The following SUPT3H variants were observed in gnomAD, a reference collection of about 807,000 sequenced individuals.
The protein encoded by SUPT3H is transcription initiation protein SPT3 homolog.
A neutral mutation model predicts 44.3 loss-of-function variants in SUPT3H; 44 were observed. That is an observed-to-expected ratio of 0.99 (90% confidence interval 0.78 to 1.28). The LOEUF (loss-of-function observed/expected upper bound fraction) is 1.28, where lower values mean the gene tolerates loss of function less well. Ranked by LOEUF, SUPT3H falls within the 50% of genes most tolerant of loss-of-function variation. SUPT3H has a pLI of 0.00. For synonymous variants in SUPT3H, 124 were observed against 125.6 expected (o/e 0.99, Z 0.09); for missense variants, 380 against 387.1 (o/e 0.98, Z 0.15).
chr6:44,909,435 T>C (rs528182018), intron 10 of SUPT3H, among the ~76,000 whole-genome samples: 2 of 152,274 alleles, frequency 1.3e-5, no homozygotes, highest in African/African-American at 4.8e-5. Context: ...TATTTAGTCC[T>C]TTCCCCAACC....
At chr6:45,326,130 T>C (rs796447560) in intron 2 of SUPT3H, among the ~76,000 whole-genome samples, 18 of 151,896 alleles carry the variant, frequency 1.2e-4, no homozygotes, top group African/African-American at 4.3e-4. Context: ...TCTTATCAGG[T>C]CAATTTGAAG....
At chr6:45,162,070 G>T (rs1359953300) in intron 2 of SUPT3H, among the ~76,000 whole-genome samples, 4 of 152,034 alleles carry the variant, frequency 2.6e-5, no homozygotes, top group African/African-American at 9.7e-5. Flanking sequence ...ACTGACAAAG[G>T]TAATGCCACA....
At chr6:45,015,585 A>C (rs1319857824) in intron 4 of SUPT3H, among the ~76,000 whole-genome samples, 2 of 152,124 alleles carry the variant, frequency 1.3e-5, no homozygotes, top group South Asian at 4.1e-4. Flanking sequence ...AATGTGCCTT[A>C]GCTTACTTAC....
chr6:45,090,650 A>G (rs1357936650), intron 3 of SUPT3H, among the ~76,000 whole-genome samples: 8 of 152,032 alleles, frequency 5.3e-5, no homozygotes, highest in Non-Finnish European at 5.9e-5. Context: ...TAATGTACTC[A>G]TTGAAACCGT....
At chr6:45,365,136 C>A in intron 2 of SUPT3H, 65 bp downstream of exon 2, 1 of 968,046 alleles carries the variant, frequency 1.0e-6, no homozygotes, top group Non-Finnish European at 1.6e-6. Context: ...GTTGTTATGT[C>A]TATTGTCTTT....
intron 9 of SUPT3H, among the ~76,000 whole-genome samples, chr6:44,940,904 T>C (rs936784680): frequency 6.6e-6 from 1 of 152,144 alleles, no homozygotes; most frequent in Non-Finnish European, 1.5e-5. Flanking sequence ...TATATCTGCA[T>C]GAAATGTCTT....
At chr6:44,932,624 T>C (rs1260888938) in intron 10 of SUPT3H, 29 bp downstream of exon 10, 5 of 1,461,874 alleles carry the variant, frequency 3.4e-6, no homozygotes, top group Non-Finnish European at 4.7e-6. Context: ...ATTATAAATA[T>C]AACTTTTTAT....
At chr6:45,182,538 A>G (rs938439902) in intron 2 of SUPT3H, among the ~76,000 whole-genome samples, 7 of 152,258 alleles carry the variant, frequency 4.6e-5, no homozygotes, top group African/African-American at 1.7e-4. Context: ...CTGGGATTAC[A>G]GGCGTGAGCC....
intron 2 of SUPT3H, among the ~76,000 whole-genome samples, chr6:45,185,704 C>T (rs1191554185): frequency 1.3e-5 from 2 of 152,234 alleles, no homozygotes; most frequent in African/African-American, 2.4e-5. Flanking sequence ...TCTTCAGACA[C>T]ACCTAGGGGC....
intron 2 of SUPT3H, among the ~76,000 whole-genome samples, chr6:45,197,970 C>T (rs1181130662): frequency 6.6e-6 from 1 of 151,176 alleles, no homozygotes; most frequent in Non-Finnish European, 1.5e-5. Context: ...TTTCTTCTTA[C>T]TCTGAATACT....
At chr6:45,066,245 T>C (rs1213081297) in intron 3 of SUPT3H, among the ~76,000 whole-genome samples, 1 of 152,036 alleles carries the variant, frequency 6.6e-6, no homozygotes, top group African/African-American at 2.4e-5. Context: ...AAAAAGCCTT[T>C]GACAAAATTC....
intron 2 of SUPT3H, among the ~76,000 whole-genome samples, chr6:45,234,530 CAAA>C (rs10713328): frequency 3.9e-5 from 5 of 126,948 alleles, no homozygotes; most frequent in Non-Finnish European, 6.8e-5. Flanking sequence ...GACGCTGTCA[CAAA>C]AAAAAAAAAA....
intron 2 of SUPT3H, among the ~76,000 whole-genome samples, chr6:45,183,477 A>G (rs1046566521): frequency 2.6e-5 from 4 of 152,256 alleles, no homozygotes; most frequent in Non-Finnish European, 4.4e-5. Flanking sequence ...AAGTGGGAGC[A>G]GGTACATCAC....
intron 3 of SUPT3H, among the ~76,000 whole-genome samples, chr6:45,029,262 AAGGCTATAAT>A (rs1480891618): frequency 1.3e-5 from 2 of 151,638 alleles, no homozygotes; most frequent in Admixed American, 6.6e-5. Flanking sequence ...AAAAATATAT[AAGGCTATAAT>A]TACCAGGATC....
intron 10 of SUPT3H, among the ~76,000 whole-genome samples, chr6:44,842,680 A>T (rs1771164860): frequency 6.6e-6 from 1 of 152,192 alleles, no homozygotes; most frequent in Non-Finnish European, 1.5e-5. Context: ...AATACCAGTG[A>T]TATAAGAGCA....
chr6:45,061,320 G>A (rs115698171), intron 3 of SUPT3H, among the ~76,000 whole-genome samples: 2,678 of 152,212 alleles, frequency 0.018, 52 homozygotes, highest in South Asian at 0.085. Context: ...GCTGCAAGCC[G>A]TTATCCTCAG....
At chr6:45,054,278 C>T (rs989610396) in intron 3 of SUPT3H, among the ~76,000 whole-genome samples, 13 of 152,102 alleles carry the variant, frequency 8.5e-5, no homozygotes, top group African/African-American at 3.1e-4. Flanking sequence ...TCTGGCCTTT[C>T]TCTGAAGTAG....
At chr6:45,089,059 T>A (rs1042713884) in intron 3 of SUPT3H, among the ~76,000 whole-genome samples, 1 of 152,068 alleles carries the variant, frequency 6.6e-6, no homozygotes, top group African/African-American at 2.4e-5. Context: ...ATCATATGAA[T>A]GGAAAATATA....
At chr6:45,078,260 T>C (rs1346818545) in intron 3 of SUPT3H, among the ~76,000 whole-genome samples, 1 of 152,356 alleles carries the variant, frequency 6.6e-6, no homozygotes, top group East Asian at 1.9e-4. Flanking sequence ...GTATATCTGC[T>C]GTAATTAATT....
Sources: allele counts gnomAD v4.1 joint callset (sites outside exome capture counted in the v4.1 genomes callset), GRCh38; gene constraint gnomAD v4.1.1; transcripts MANE v1.5; gene names NCBI Gene and HGNC (gene_info 2026-07-23, HGNC 2026-07-21).